The following MBNL2 variants were observed in gnomAD, a reference collection of about 807,000 sequenced individuals.
MBNL2 encodes muscleblind like splicing regulator 2.
In MBNL2, 17 loss-of-function variants were observed where a neutral mutation model predicts 41.9. That is an observed-to-expected ratio of 0.41 (90% CI 0.28 to 0.61). MBNL2 has a LOEUF of 0.61. Among genes scored for constraint, MBNL2 ranks in the 20% least tolerant of loss-of-function variants. The probability of loss-of-function intolerance (pLI) is 0.35; values close to 1 mark genes in which losing one functional copy is unlikely to be tolerated. For missense variants in MBNL2, 336 were observed against 505.6 expected (o/e 0.66, Z 3.22); for synonymous variants, 195 against 182.9 (o/e 1.07, Z -0.53).
At chr13:97,209,099 A>G in the MBNL2 span, among the ~76,000 whole-genome samples, 3 of 152,254 alleles carry the variant, frequency 2.0e-5, no homozygotes. Context: ...AAATCCTTGA[A>G]AGACATGATT....
At chr13:97,243,349 G>T (rs1425982797) in intron 1 of MBNL2, among the ~76,000 whole-genome samples, 1 of 152,152 alleles carries the variant, frequency 6.6e-6, no homozygotes, top group Non-Finnish European at 1.5e-5. Context: ...CTGTACTAGG[G>T]GTTGGGCTAC....
intron 8 of MBNL2, among the ~76,000 whole-genome samples, chr13:97,372,837 G>A (rs957289164): frequency 2.6e-5 from 4 of 152,290 alleles, no homozygotes; most frequent in East Asian, 1.9e-4. Flanking sequence ...AGGTAAGATC[G>A]TGTTTTATTT....
intron 2 of MBNL2, among the ~76,000 whole-genome samples, chr13:97,291,522 A>T (rs2055972726): frequency 6.6e-6 from 1 of 152,060 alleles, no homozygotes; most frequent in African/African-American, 2.4e-5. Flanking sequence ...AGAAAAGCTG[A>T]TGTGTCACGA....
At chr13:97,374,946 G>A (rs147056279) in intron 8 of MBNL2, among the ~76,000 whole-genome samples, 1 of 152,246 alleles carries the variant, frequency 6.6e-6, no homozygotes, top group East Asian at 1.9e-4. Context: ...CAACGGGCAG[G>A]GTTTTCTTCT....
chr13:97,146,336 A>G, the MBNL2 span, among the ~76,000 whole-genome samples: 34 of 152,168 alleles, frequency 2.2e-4, no homozygotes, highest in Non-Finnish European at 4.0e-4. Context: ...CCAACAACAG[A>G]TCCAGTCTAT....
At chr13:97,247,993 A>G (rs2045805875) in intron 1 of MBNL2, among the ~76,000 whole-genome samples, 1 of 152,246 alleles carries the variant, frequency 6.6e-6, no homozygotes, top group Non-Finnish European at 1.5e-5. Flanking sequence ...TTTTAATGCT[A>G]CATTAGAAAT....
At chr13:97,286,326 A>C (rs1262755481) in intron 2 of MBNL2, among the ~76,000 whole-genome samples, 1 of 152,172 alleles carries the variant, frequency 6.6e-6, no homozygotes, top group African/African-American at 2.4e-5. Context: ...ACCTGCCTTC[A>C]TTCTCCTCTT....
At chr13:97,306,932 G>A (rs1206012075) in intron 2 of MBNL2, among the ~76,000 whole-genome samples, 1 of 152,190 alleles carries the variant, frequency 6.6e-6, no homozygotes. Context: ...TTTCAGGAAT[G>A]TGTGGAGGCT....
At chr13:97,270,459 A>C (rs369639138) in intron 1 of MBNL2, among the ~76,000 whole-genome samples, 3 of 152,118 alleles carry the variant, frequency 2.0e-5, no homozygotes, top group Non-Finnish European at 4.4e-5. Flanking sequence ...CTCCATCTGT[A>C]TGTAGGTTTC....
the MBNL2 span, among the ~76,000 whole-genome samples, chr13:97,175,957 C>T: frequency 2.0e-5 from 3 of 152,086 alleles, no homozygotes; most frequent in Non-Finnish European, 2.9e-5. Context: ...TGGATGGATG[C>T]CCCCCAGGAT....
intron 5 of MBNL2, among the ~76,000 whole-genome samples, chr13:97,350,361 T>TCAC (rs2062329663): frequency 6.6e-6 from 1 of 152,138 alleles, no homozygotes; most frequent in Non-Finnish European, 1.5e-5. Context: ...ATTAGGGTGG[T>TCAC]GACTGGTGAA....
chr13:97,350,114 C>T (rs538012276), intron 5 of MBNL2, among the ~76,000 whole-genome samples: 24 of 152,212 alleles, frequency 1.6e-4, no homozygotes, highest in East Asian at 3.9e-4. Flanking sequence ...TGCAATGAAG[C>T]GAGTATCACA....
rs889708178 is a variant in MBNL2 at position 97,366,819 on chromosome 13, CT to C, written c.1048+1652del. On this transcript the variant is annotated intron_variant, in intron 8 of 8. Coordinates refer to ENST00000679496, the MANE Select transcript of MBNL2 (RefSeq NM_001382683.1). The surrounding 1 kb of genome is among the most constrained non-coding windows in gnomAD (Gnocchi z 4.7). ...TAATTAACCTGACAGGCTTAAATTC[CT>C]TTTAGTACAGCATTACCTATCCAGT... 22 of 488,640 alleles carry C rather than the reference CT, an allele frequency of 4.5e-5. No homozygotes were observed. 30.3% of individuals were successfully genotyped at this position (488,640 alleles called of 1,614,324 possible).
rs552120898 is a variant in MBNL2 at position 97,241,456 on chromosome 13, G to A, written c.-605+18925G>A. Reference sequence around the variant, plus strand: ...ATGCTACTCTGAAATCTAAGTCTCCGTTTCAGCTTTCAGTTGAGAAAGGTT... The same window carrying A: ...ATGCTACTCTGAAATCTAAGTCTCCATTTCAGCTTTCAGTTGAGAAAGGTT... On this transcript the variant is annotated intron_variant, in intron 1 of 8. Coordinates refer to ENST00000679496, the MANE Select transcript of MBNL2 (RefSeq NM_001382683.1). Among the ~76,000 whole-genome samples the A allele has an allele frequency of 3.9e-5, 6 of 152,304 alleles. No homozygotes were observed. In the South Asian group the frequency reaches 6.2e-4, roughly 16 times the overall value.
At chr13:97,212,316 AC>A in the MBNL2 span, among the ~76,000 whole-genome samples, 5 of 151,560 alleles carry the variant, frequency 3.3e-5, no homozygotes. Context: ...ACACTCCCTC[AC>A]CCCTACATGT....
chr13:97,249,064 C>T (rs1036941095), intron 1 of MBNL2, among the ~76,000 whole-genome samples: 9 of 152,010 alleles, frequency 5.9e-5, no homozygotes, highest in African/African-American at 2.2e-4. Flanking sequence ...TATATTTTAC[C>T]TTGATACTTA....
intron 2 of MBNL2, among the ~76,000 whole-genome samples, chr13:97,320,647 C>G (rs965282942): frequency 5.3e-5 from 8 of 152,078 alleles, no homozygotes; most frequent in African/African-American, 1.9e-4. Flanking sequence ...CGCAGGGTGG[C>G]TCATGCCTAT....
At chr13:97,276,514 T>C (rs750011699) in intron 2 of MBNL2, 105 bp downstream of exon 2, 118 of 1,116,424 alleles carry the variant, frequency 1.1e-4, no homozygotes, top group Non-Finnish European at 1.4e-4. Flanking sequence ...TTTTAGATTC[T>C]ATTTTCTTGT....
Position 97,291,119 on chromosome 13 carries a change from C to A in MBNL2, c.174+14710C>A, listed in dbSNP as rs1456683255. ...GAGGGATGGTAGGAGGAGGAAGGGC[C>A]AGGTGGTTGGTTAAAAAAAGCCTCT... On this transcript the variant is annotated intron_variant, in intron 2 of 8. Transcript: ENST00000679496. Among the ~76,000 whole-genome samples the A allele has an allele frequency of 2.0e-5, 3 of 151,916 alleles. No individual in the cohort carries two copies. In the South Asian group the frequency reaches 6.3e-4, roughly 32 times the overall value.
Sources: gnomAD v4.1 joint callset for allele counts (sites outside exome capture counted in the v4.1 genomes callset) on GRCh38, gnomAD v4.1.1 for gene constraint, Gnocchi (gnomAD v3.1) non-coding constraint, MANE v1.5 for transcripts, NCBI Gene and HGNC (gene_info 2026-07-23, HGNC 2026-07-21) for gene names.